The following STK24 variants were observed in gnomAD, a reference collection of about 807,000 sequenced individuals.
STK24 encodes the protein serine/threonine kinase 24, also known as serine/threonine-protein kinase 24.
Under a neutral mutation model 55.6 loss-of-function variants are expected in STK24, and 21 were observed. The ratio of observed to expected loss-of-function variants is 0.38; its 90% CI spans 0.27 to 0.54. STK24 has a LOEUF of 0.54. Ranked by LOEUF, STK24 falls within the 20% of genes least tolerant of loss-of-function variation. The pLI, the probability that STK24 is intolerant of heterozygous loss-of-function variation, is 0.79. For synonymous variants in STK24, 200 were observed against 215.2 expected, an observed-to-expected ratio of 0.93 and a Z score of 0.62; for missense variants, 383 against 538.4, an observed-to-expected ratio of 0.71 and a Z score of 2.86.
At chr13:98,473,207 G>A (rs1280393063) in intron 5 of STK24, among the ~76,000 whole-genome samples, 1 of 132,802 alleles carries the variant, frequency 7.5e-6, no homozygotes, top group Admixed American at 7.6e-5. Context: ...TTAAATGAAA[G>A]AATCAATATG....
At chr13:98,536,332 T>C (rs1423577474) in intron 1 of STK24, among the ~76,000 whole-genome samples, 3 of 151,942 alleles carry the variant, frequency 2.0e-5, no homozygotes, top group South Asian at 2.1e-4. Context: ...GGGGACTAAA[T>C]TGTCTCTGTT....
At position 98,449,762 on chromosome 13, in the gene STK24, C is replaced by G. The variant is rs1412673363; in HGVS notation, c.*3411G>C. Reference sequence around the variant, plus strand: ...AATCCAGCATATTGATGTTTTAAGGCAAAACAACCAACTTTGTCTGTAGTC... The same window carrying G: ...AATCCAGCATATTGATGTTTTAAGGGAAAACAACCAACTTTGTCTGTAGTC... On this transcript the variant is annotated 3_prime_UTR_variant, in exon 11 of 11. Transcript: ENST00000539966. The G allele has an allele frequency of 1.4e-5, 2 of 139,384 alleles. No individual in the cohort carries two copies. The highest frequency in any genetic ancestry group is 5.4e-5 in the African/African-American group (2 of 37,106). 8.6% of individuals were successfully genotyped at this position (139,384 alleles called of 1,614,324 possible).
chr13:98,553,032 G>T (rs573752955), intron 1 of STK24, among the ~76,000 whole-genome samples: 1 of 152,136 alleles, frequency 6.6e-6, no homozygotes, highest in Non-Finnish European at 1.5e-5. Flanking sequence ...ACAGGATGCT[G>T]ACACCAGGGG....
chr13:98,502,683 A>G (rs1172992054), intron 2 of STK24, among the ~76,000 whole-genome samples: 3 of 152,280 alleles, frequency 2.0e-5, no homozygotes, highest in South Asian at 2.1e-4. Flanking sequence ...CCACCACGTC[A>G]TGACACAGCA....
intron 1 of STK24, among the ~76,000 whole-genome samples, chr13:98,559,567 T>C (rs1041670496): frequency 2.6e-5 from 4 of 152,184 alleles, no homozygotes; most frequent in African/African-American, 9.6e-5. Context: ...ATACAATCCC[T>C]TCCTAGTTTT....
intron 1 of STK24, chr13:98,522,073 C>T: frequency 7.3e-7 from 1 of 1,375,468 alleles, no homozygotes; most frequent in Non-Finnish European, 9.4e-7. Flanking sequence ...CTCCCCACCA[C>T]TGCAGCCTGG....
intron 2 of STK24, among the ~76,000 whole-genome samples, chr13:98,513,554 G>A (rs1951981210): frequency 6.6e-6 from 1 of 152,144 alleles, no homozygotes; most frequent in African/African-American, 2.4e-5. Context: ...GGTACACAGT[G>A]CCAGATCTAG....
At chr13:98,482,776 C>T (rs1217919733) in intron 2 of STK24, among the ~76,000 whole-genome samples, 2 of 152,194 alleles carry the variant, frequency 1.3e-5, no homozygotes, top group African/African-American at 2.4e-5. Context: ...GCCTCCCCTG[C>T]GCCCCCCACC....
intron 2 of STK24, among the ~76,000 whole-genome samples, chr13:98,485,350 A>C (rs1894765230): frequency 6.6e-6 from 1 of 152,144 alleles, no homozygotes; most frequent in South Asian, 2.1e-4. Context: ...AATCACGGGG[A>C]ATCAAAGCTG....
intron 2 of STK24, among the ~76,000 whole-genome samples, chr13:98,491,021 C>A (rs1470288955): frequency 6.6e-6 from 1 of 152,184 alleles, no homozygotes; most frequent in Non-Finnish European, 1.5e-5. Flanking sequence ...GCCGGGGGAG[C>A]TGTCAGGCTA....
At chr13:98,501,691 T>G (rs1895469629) in intron 2 of STK24, among the ~76,000 whole-genome samples, 2 of 152,240 alleles carry the variant, frequency 1.3e-5, no homozygotes, top group African/African-American at 4.8e-5. Context: ...GTAAAAAATT[T>G]AAAAACAATA....
chr13:98,576,720 G>A, intron 1 of STK24, 25 bp downstream of exon 1: 2 of 1,458,188 alleles, frequency 1.4e-6, no homozygotes, highest in Non-Finnish European at 1.8e-6. Context: ...CGCGCATCCC[G>A]GCCCCGCGGC....
intron 1 of STK24, among the ~76,000 whole-genome samples, chr13:98,536,615 C>T (rs7339192): frequency 0.75 from 114,165 of 151,866 alleles, 43,200 homozygotes; most frequent in African/African-American, 0.78. Context: ...CCTCTCACCC[C>T]GACCTCCCAA....
At chr13:98,485,073 A>T (rs1291707468) in intron 2 of STK24, among the ~76,000 whole-genome samples, 2 of 151,924 alleles carry the variant, frequency 1.3e-5, no homozygotes, top group African/African-American at 2.4e-5. Flanking sequence ...GAAAAGCTCC[A>T]CTCTGGGTGG....
chr13:98,481,362 C>A (rs781662140), intron 3 of STK24, among the ~76,000 whole-genome samples: 1 of 152,178 alleles, frequency 6.6e-6, no homozygotes, highest in Non-Finnish European at 1.5e-5. Context: ...TACATGTGGA[C>A]TGGAGGCCAC....
Position 98,453,115 on chromosome 13 carries a change from AAG to A in STK24, c.*56_*57del. 1 of 1,599,296 alleles carries A rather than the reference AAG, an allele frequency of 6.3e-7. No individual in the cohort carries two copies. On this transcript the variant is annotated 3_prime_UTR_variant, in exon 11 of 11. Coordinates refer to ENST00000539966, the MANE Select transcript of STK24 (RefSeq NM_001032296.4). ...CGAAGGCTCTCGTTGACTTTTAAAA[AAG>A]GAGGAGGATGAAGAAGGAAAAAAGG... is the stretch of plus-strand genomic sequence containing the variant.
At chr13:98,501,041 A>AG (rs1895438713) in intron 2 of STK24, among the ~76,000 whole-genome samples, 12 of 152,066 alleles carry the variant, frequency 7.9e-5, no homozygotes, top group Admixed American at 2.6e-4. Context: ...TGAGAATATA[A>AG]GGGGGAAAAA....
intron 1 of STK24, among the ~76,000 whole-genome samples, chr13:98,547,349 C>T (rs948950898): frequency 2.6e-5 from 4 of 152,092 alleles, no homozygotes; most frequent in Non-Finnish European, 5.9e-5. Context: ...GAGTTAGAGA[C>T]CAGTCTGGGA....
chr13:98,568,025 A>G (rs1052163694), intron 1 of STK24, among the ~76,000 whole-genome samples: 26 of 150,454 alleles, frequency 1.7e-4, no homozygotes, highest in African/African-American at 5.2e-4. Flanking sequence ...TTGGAGGCAC[A>G]GTCTCGCTCT....
Sources: allele counts gnomAD v4.1 joint callset (sites outside exome capture counted in the v4.1 genomes callset), GRCh38; gene constraint gnomAD v4.1.1; transcripts MANE v1.5; gene names NCBI Gene and HGNC (gene_info 2026-07-23, HGNC 2026-07-21).